MTFR1: variants seen among roughly 807,000 people sequenced by gnomAD.
The protein encoded by MTFR1 is chondrocyte protein with a poly-proline region.
A neutral mutation model predicts 38.8 loss-of-function variants in MTFR1; 28 were observed. That is an observed-to-expected ratio of 0.72 (90% CI 0.53 to 0.99). MTFR1 has a LOEUF of 0.99. MTFR1 is among the 50% of genes least tolerant of loss of function. The pLI is 0.00. For missense variants in MTFR1, 358 were observed against 395.5 expected (o/e 0.91, Z 0.81); for synonymous variants, 145 against 137.0 (o/e 1.06, Z -0.41).
chr8:65,711,997 A>G (rs10504390), downstream of MTFR1, among the ~76,000 whole-genome samples: 10,392 of 152,250 alleles, frequency 0.068, 494 homozygotes, highest in Non-Finnish European at 0.1. Context: ...AGTCCTCCAT[A>G]ACCCAATTGG....
At chr8:65,768,858 A>G (rs549226925) in intron 3 of MTFR1, among the ~76,000 whole-genome samples, 7 of 152,332 alleles carry the variant, frequency 4.6e-5, no homozygotes, top group Admixed American at 1.3e-4. Context: ...ATAATCAAAA[A>G]TAATACAAAA....
At chr8:65,655,971 A>ATG (rs1809256322) in intron 1 of MTFR1, among the ~76,000 whole-genome samples, 1 of 5,058 alleles carries the variant, frequency 2.0e-4, no homozygotes, top group Admixed American at 1.3e-3. Flanking sequence ...TATATATACC[A>ATG]TATATATATA....
chr8:65,675,580 C>CAG (rs1329809117), intron 2 of MTFR1, among the ~76,000 whole-genome samples: 1 of 151,656 alleles, frequency 6.6e-6, no homozygotes, highest in Non-Finnish European at 1.5e-5. Flanking sequence ...GCCTGGGCAA[C>CAG]AGCAAGACTC....
chr8:65,705,432 G>A (rs773863257), intron 5 of MTFR1, among the ~76,000 whole-genome samples: 1 of 152,254 alleles, frequency 6.6e-6, no homozygotes, highest in Non-Finnish European at 1.5e-5. Flanking sequence ...TCTTGGTGCT[G>A]TCAGAGAAGA....
intron 3 of MTFR1, among the ~76,000 whole-genome samples, chr8:65,733,214 C>T (rs1806975229): frequency 1.3e-5 from 2 of 152,132 alleles, no homozygotes; most frequent in South Asian, 4.1e-4. Context: ...AATTTTTGTC[C>T]ACATGCATCC....
At position 65,693,680 on chromosome 8, in the gene MTFR1, C is replaced by A; in HGVS notation, c.202C>A (p.Pro68Thr). ...SHATEWSPSHPGEDAVASFAD... is the reference protein window; with the variant it reads ...SHATEWSPSHTGEDAVASFAD... ...TGCAACAGAATGGAGTCCCAGCCAC[C>A]CAGGAGAGGATGCAGTGGCGTCTTT... Residue 68 changes from proline to threonine, a missense_variant, in exon 4 of 8, where the codon CCA (proline) becomes ACA (threonine). Pro to Thr is a conservative substitution (Grantham distance 38). Coordinates refer to ENST00000262146, the MANE Select transcript of MTFR1 (RefSeq NM_014637.4). 1 of 1,614,094 alleles carries A rather than the reference C, an allele frequency of 6.2e-7. No individual in the cohort carries two copies. The highest frequency in any genetic ancestry group is 8.5e-7 in the Non-Finnish European group (1 of 1,180,022).
At position 65,755,008 on chromosome 8, in the gene MTFR1, A is replaced by AT. The variant is rs913405237; in HGVS notation, c.*49-15929dup. ...AAAATTCTTCCATCATTGCCTGTTT[A>AT]TTTTTTTTTTCACTTATTTTTTTTT... is the stretch of plus-strand genomic sequence containing the variant. On this transcript the variant is annotated intron_variant, in intron 3 of 3. Coordinates refer to the MTFR1 transcript ENST00000521247. Among the ~76,000 whole-genome samples the AT allele has an allele frequency of 1.7e-3, 249 of 143,390 alleles. 1 individual carries two copies. Among genetic ancestry groups the AT allele is most frequent in the African/African-American group, 5.4e-3 (214 of 39,378 alleles). The allele number at this position is 143,390 out of a possible 152,430, so 94.1% of individuals were successfully genotyped here. A position where few individuals can be genotyped will look rare whatever the true frequency, so the allele number is the denominator to read the frequency against.
chr8:65,664,880 G>A (rs550703328), intron 1 of MTFR1, among the ~76,000 whole-genome samples: 7 of 150,580 alleles, frequency 4.6e-5, no homozygotes, highest in Non-Finnish European at 8.9e-5. Context: ...GAGCCACCGT[G>A]CCCCAGCCAA....
At chr8:65,664,706 C>A (rs923321635) in intron 1 of MTFR1, among the ~76,000 whole-genome samples, 4 of 150,436 alleles carry the variant, frequency 2.7e-5, no homozygotes, top group Admixed American at 6.7e-5. Flanking sequence ...AAGCTATTCT[C>A]CTGCCTCAGC....
At chr8:65,732,219 A>G (rs1214662698) in intron 3 of MTFR1, among the ~76,000 whole-genome samples, 1 of 151,822 alleles carries the variant, frequency 6.6e-6, no homozygotes, top group African/African-American at 2.4e-5. Flanking sequence ...GGCTGGTCAC[A>G]AACTCCTGAC....
chr8:65,676,583 C>T (rs765837597), intron 2 of MTFR1, among the ~76,000 whole-genome samples: 1 of 152,132 alleles, frequency 6.6e-6, no homozygotes, highest in Admixed American at 6.5e-5. Flanking sequence ...AGGCTGGTCT[C>T]GAACTCCTGA....
At chr8:65,645,142 C>A (rs571182816) in intron 1 of MTFR1, among the ~76,000 whole-genome samples, 1 of 152,218 alleles carries the variant, frequency 6.6e-6, no homozygotes, top group Non-Finnish European at 1.5e-5. Context: ...CGCCGGCCGC[C>A]AGGCGGCGGT....
chr8:65,719,025 T>TA (rs1806262772), intron 2 of MTFR1: 1 of 500,354 alleles, frequency 2.0e-6, no homozygotes, highest in South Asian at 2.6e-5. Flanking sequence ...CTTCCTTTGT[T>TA]ACTCCTTTCG....
downstream of MTFR1, chr8:65,714,616 C>T (rs1276056721): frequency 6.6e-6 from 1 of 152,120 alleles, no homozygotes; most frequent in Non-Finnish European, 1.5e-5. Flanking sequence ...TCTTTGAAAG[C>T]AATACTGAAT....
chr8:65,675,133 G>C (rs1804675527), intron 2 of MTFR1, among the ~76,000 whole-genome samples: 1 of 151,964 alleles, frequency 6.6e-6, no homozygotes, highest in Admixed American at 6.6e-5. Flanking sequence ...TCTACTAAAA[G>C]TATAAAAATT....
chr8:65,707,237 A>G lies in MTFR1; in HGVS notation c.745A>G (p.Lys249Glu), dbSNP rs1241450299. Residue 249 changes from lysine to glutamate, a missense_variant, in exon 6 of 8, where the codon AAA becomes GAA. Physicochemically the swap from Lys to Glu is moderately conservative, Grantham distance 56. Coordinates refer to ENST00000262146, the MANE Select transcript of MTFR1 (RefSeq NM_014637.4). ...LEILKEMNSV[K>E]LRSVKRSEQD... is the part of the protein sequence containing the mutation. ...GATCCTTAAAGAGATGAACAGTGTA[A>G]AACTTCGGTCAGTGAAGAGGTGAGG... is the stretch of plus-strand genomic sequence containing the variant. 1 of 1,613,970 alleles carries G rather than the reference A, an allele frequency of 6.2e-7. No individual in the cohort carries two copies. The highest frequency in any genetic ancestry group is 1.3e-5 in the African/African-American group (1 of 74,910).
intron 3 of MTFR1, among the ~76,000 whole-genome samples, chr8:65,769,685 C>A (rs762648817): frequency 2.0e-5 from 3 of 152,180 alleles, no homozygotes; most frequent in Non-Finnish European, 4.4e-5. Context: ...GACTTGAGGT[C>A]AGGAGTTTGA....
At chr8:65,666,923 A>G (rs1038045411) in intron 1 of MTFR1, among the ~76,000 whole-genome samples, 5 of 152,184 alleles carry the variant, frequency 3.3e-5, no homozygotes, top group African/African-American at 1.2e-4. Flanking sequence ...CCAGATACAC[A>G]TACTGTATAT....
At chr8:65,726,820 G>C (rs1806631914) in intron 3 of MTFR1, 2 of 893,296 alleles carry the variant, frequency 2.2e-6, no homozygotes, top group East Asian at 4.9e-5. Context: ...AAATTACTTT[G>C]CCAACTTAAC....
Sources: allele counts gnomAD v4.1 joint callset (sites outside exome capture counted in the v4.1 genomes callset), GRCh38; gene constraint gnomAD v4.1.1; transcripts MANE v1.5; gene names NCBI Gene and HGNC (gene_info 2026-07-23, HGNC 2026-07-21).